Variants in CDS2 observed in about 807,000 individuals in gnomAD.
CDS2 encodes phosphatidate cytidylyltransferase 2.
In CDS2, 47 loss-of-function variants were observed where a neutral mutation model predicts 59.0. The observed-to-expected ratio is 0.80, with a 90% CI of 0.63 to 1.02. CDS2 has a LOEUF of 1.02. Ranked by LOEUF, CDS2 falls within the 50% of genes least tolerant of loss-of-function variation. CDS2 has a pLI of 0.00. For missense variants in CDS2, 356 were observed against 558.9 expected (o/e 0.64, Z 3.66); for synonymous variants, 207 against 206.4 (o/e 1.00, Z -0.02).
chr20:5,181,069 G>A (rs1267781881), intron 5 of CDS2, among the ~76,000 whole-genome samples: 1 of 151,986 alleles, frequency 6.6e-6, no homozygotes, highest in Non-Finnish European at 1.5e-5. Flanking sequence ...TATCAGTAAA[G>A]CAAAATAAGC....
chr20:5,180,581 G>A (rs968364524), intron 5 of CDS2, among the ~76,000 whole-genome samples: 2 of 152,002 alleles, frequency 1.3e-5, no homozygotes, highest in Non-Finnish European at 2.9e-5. Context: ...ATTTTGGAGG[G>A]GTTTGGCCAG....
intron 1 of CDS2, among the ~76,000 whole-genome samples, chr20:5,133,348 C>G (rs2090623229): frequency 6.6e-6 from 1 of 151,214 alleles, no homozygotes; most frequent in African/African-American, 2.4e-5. Flanking sequence ...AACTCCTGAG[C>G]TCAAGCCATC....
chr20:5,148,897 G>A (rs1281304895), intron 1 of CDS2, among the ~76,000 whole-genome samples: 1 of 152,170 alleles, frequency 6.6e-6, no homozygotes, highest in Admixed American at 6.5e-5. Flanking sequence ...CAGTATGTAC[G>A]CAGTGGTCTC....
chr20:5,154,971 G>A (rs1420780828), intron 1 of CDS2, among the ~76,000 whole-genome samples: 1 of 152,220 alleles, frequency 6.6e-6, no homozygotes, highest in Non-Finnish European at 1.5e-5. Context: ...TCTGCTTAGA[G>A]CATTTCCTGT....
chr20:5,168,960 G>A (rs914657973), intron 1 of CDS2, among the ~76,000 whole-genome samples: 5 of 152,198 alleles, frequency 3.3e-5, no homozygotes, highest in African/African-American at 1.2e-4. Context: ...CTCCAAAAAT[G>A]CTAATGGCTC....
intron 1 of CDS2, among the ~76,000 whole-genome samples, chr20:5,153,730 A>C (rs1033267120): frequency 6.6e-6 from 1 of 152,048 alleles, no homozygotes; most frequent in Non-Finnish European, 1.5e-5. Flanking sequence ...TTTTTGTTTT[A>C]TGTCTTGTTT....
chr20:5,133,705 A>G (rs1251972538), intron 1 of CDS2, among the ~76,000 whole-genome samples: 3 of 152,072 alleles, frequency 2.0e-5, no homozygotes, highest in Admixed American at 2.0e-4. Context: ...TTGTATTTTT[A>G]GTAGAGATGG....
chr20:5,163,481 G>A (rs1475942703), intron 1 of CDS2, among the ~76,000 whole-genome samples: 3 of 152,068 alleles, frequency 2.0e-5, no homozygotes, highest in African/African-American at 4.8e-5. Flanking sequence ...GGCTGGTCTC[G>A]AACTCCCAAC....
intron 1 of CDS2, chr20:5,168,649 T>C (rs1475633258): frequency 1.9e-6 from 1 of 518,118 alleles, no homozygotes; most frequent in African/African-American, 1.9e-5. Context: ...AAAGGGAGCC[T>C]CAGAAGGATG....
At chr20:5,153,937 A>G (rs2090812501) in intron 1 of CDS2, among the ~76,000 whole-genome samples, 1 of 152,148 alleles carries the variant, frequency 6.6e-6, no homozygotes, top group South Asian at 2.1e-4. Context: ...CCTCCCCCTA[A>G]TAGGATGAAG....
At chr20:5,159,530 TA>T (rs1310582928) in intron 1 of CDS2, among the ~76,000 whole-genome samples, 1 of 152,168 alleles carries the variant, frequency 6.6e-6, no homozygotes, top group African/African-American at 2.4e-5. Context: ...TAAACAAGTG[TA>T]AGGAATCTTT....
In CDS2 at chr20:5,186,784, T is replaced by G; in HGVS notation, c.926T>G (p.Leu309Arg). The change falls in exon 10 of 13, where the codon CTG becomes CGG. Residue 309 changes from leucine (L) to arginine (R), a missense_variant. By Grantham distance (102) the Leu-to-Arg change is moderately radical. Coordinates refer to ENST00000460006, the MANE Select transcript of CDS2 (RefSeq NM_003818.4). Reference sequence around the variant, plus strand: ...ACTGTGGACTGTGAGCCCTCGGACCTGTTTCGCCTGCAGGAGTACAACATT... The same window carrying G: ...ACTGTGGACTGTGAGCCCTCGGACCGGTTTCGCCTGCAGGAGTACAACATT... ...SFTVDCEPSD[L>R]FRLQEYNIPG... 1.2e-6 allele frequency: 2 copies of G among 1,614,168 alleles called. No individual in the cohort carries two copies. The highest frequency in any genetic ancestry group is 4.5e-5 in the East Asian group (2 of 44,860).
chr20:5,133,260 T>C (rs1291807321), intron 1 of CDS2, among the ~76,000 whole-genome samples: 1 of 152,214 alleles, frequency 6.6e-6, no homozygotes, highest in Non-Finnish European at 1.5e-5. Flanking sequence ...AAAGGTGTTT[T>C]TTATTTTTAG....
intron 4 of CDS2, among the ~76,000 whole-genome samples, chr20:5,177,882 AT>A (rs1227121217): frequency 6.6e-6 from 1 of 152,168 alleles, no homozygotes; most frequent in Non-Finnish European, 1.5e-5. Flanking sequence ...AGTGTTTTGC[AT>A]TTTGTTAACA....
At chr20:5,170,096 C>A (rs2090944283) in intron 1 of CDS2, among the ~76,000 whole-genome samples, 1 of 152,186 alleles carries the variant, frequency 6.6e-6, no homozygotes, top group African/African-American at 2.4e-5. Context: ...CAACAACCTT[C>A]CGAGACAGGG....
chr20:5,139,114 G>T (rs547030021), intron 1 of CDS2, among the ~76,000 whole-genome samples: 1 of 152,290 alleles, frequency 6.6e-6, no homozygotes, highest in East Asian at 1.9e-4. Context: ...GGCCAAGGTG[G>T]GTGGATCACT....
chr20:5,186,269 G>A (rs983877852), intron 9 of CDS2, among the ~76,000 whole-genome samples: 1 of 152,054 alleles, frequency 6.6e-6, no homozygotes, highest in African/African-American at 2.4e-5. Flanking sequence ...AGTGCTCACC[G>A]CCCAGCTTTG....
At chr20:5,167,243 C>T (rs760479100) in intron 1 of CDS2, among the ~76,000 whole-genome samples, 9 of 152,164 alleles carry the variant, frequency 5.9e-5, no homozygotes, top group Non-Finnish European at 1.3e-4. Flanking sequence ...ATTTTCTTGT[C>T]CTTTCTCTGA....
intron 8 of CDS2, among the ~76,000 whole-genome samples, chr20:5,185,259 A>G (rs1276650072): frequency 6.6e-6 from 1 of 152,162 alleles, no homozygotes; most frequent in African/African-American, 2.4e-5. Context: ...TGCCTTTACT[A>G]AAACATTTAA....
Sources: gnomAD v4.1 joint callset for allele counts (sites outside exome capture counted in the v4.1 genomes callset) on GRCh38, gnomAD v4.1.1 for gene constraint, MANE v1.5 for transcripts, NCBI Gene and HGNC (gene_info 2026-07-23, HGNC 2026-07-21) for gene names.